SOCS7: variants seen among roughly 807,000 people sequenced by gnomAD.
The protein encoded by SOCS7 is suppressor of cytokine signaling 7, also known as NAP-4.
SOCS7 carries 18 observed loss-of-function variants against 58.9 expected under a neutral mutation model. The ratio of observed to expected loss-of-function variants is 0.31; its 90% CI spans 0.21 to 0.45. The LOEUF (loss-of-function observed/expected upper bound fraction) is 0.45, where lower values mean the gene tolerates loss of function less well. Among genes scored for constraint, SOCS7 ranks in the 20% least tolerant of loss-of-function variants. SOCS7 has a pLI of 1.00. For synonymous variants in SOCS7, 388 were observed against 364.3 expected (o/e 1.06, Z -0.74); for missense variants, 667 against 837.3 (o/e 0.80, Z 2.51).
chr17:38,382,460 AATC>A (rs1269865835), intron 7 of SOCS7, among the ~76,000 whole-genome samples: 1 of 150,700 alleles, frequency 6.6e-6, no homozygotes, highest in African/African-American at 2.5e-5. Flanking sequence ...AAAAAAAAAA[AATC>A]ATGCTTTGAA....
intron 6 of SOCS7, among the ~76,000 whole-genome samples, chr17:38,374,047 C>G (rs1455534175): frequency 6.6e-6 from 1 of 150,684 alleles, no homozygotes; most frequent in Non-Finnish European, 1.5e-5. Context: ...ATGGCGAAAC[C>G]CTGTCTCTAC....
intron 7 of SOCS7, among the ~76,000 whole-genome samples, chr17:38,387,546 A>G (rs1184024306): frequency 2.1e-5 from 3 of 141,218 alleles, no homozygotes; most frequent in Non-Finnish European, 3.0e-5. Context: ...AATATATAGT[A>G]TATATATACA....
intron 7 of SOCS7, among the ~76,000 whole-genome samples, chr17:38,392,525 A>G (rs2038185099): frequency 6.6e-6 from 1 of 152,256 alleles, no homozygotes; most frequent in Non-Finnish European, 1.5e-5. Context: ...TCAAAGAGGC[A>G]TTTGAACCCA....
intron 7 of SOCS7, among the ~76,000 whole-genome samples, chr17:38,389,906 TAGAGAGAG>T (rs772399580): frequency 7.7e-5 from 8 of 103,470 alleles, no homozygotes; most frequent in Non-Finnish European, 1.1e-4. Context: ...TATACACATA[TAGAGAGAG>T]AGAGAGAGAG....
At chr17:38,369,895 T>C (rs1290308624) in intron 6 of SOCS7, among the ~76,000 whole-genome samples, 8 of 151,956 alleles carry the variant, frequency 5.3e-5, no homozygotes, top group Non-Finnish European at 1.2e-4. Context: ...GTTCAAGCAA[T>C]TCTCCTGCCT....
rs532564657 is a variant in SOCS7, at chr17:38,372,359, G to T, written c.1552+4309G>T. The stretch of plus-strand genomic sequence containing the variant: ...TACATGGCACCATTCACTGTTGAGA[G>T]AAATGTAGACAAATATAAAGGTGCA... On this transcript the variant is annotated intron_variant, in intron 6 of 9. Coordinates refer to ENST00000612932, the MANE Select transcript of SOCS7 (RefSeq NM_014598.4). Among the ~76,000 whole-genome samples the T allele has an allele frequency of 9.2e-5, 14 of 152,272 alleles. 1 individual carries two copies. In the South Asian group the frequency reaches 2.9e-3, roughly 32 times the overall value.
In SOCS7 at chr17:38,389,863, G is replaced by GTATATATATATATATATATATATATA. The variant is rs1261982144; in HGVS notation, c.1682-5445_1682-5444insATATATATATATATATATATATATAT. On this transcript the variant is annotated intron_variant, in intron 7 of 9. Coordinates refer to ENST00000612932, the MANE Select transcript of SOCS7 (RefSeq NM_014598.4). Reference sequence around the variant, plus strand: ...TAATTTTTTTGTTTGGTGTGTATGTGTGTACATATATATATATATGTACAT... The same window carrying GTATATATATATATATATATATATATA: ...TAATTTTTTTGTTTGGTGTGTATGTGTATATATATATATATATATATATATATGTACATATATATATATATGTACAT... 1.8e-3 allele frequency among the ~76,000 whole-genome samples: 41 copies of GTATATATATATATATATATATATATA among 22,330 alleles called. 3 individuals are homozygous for GTATATATATATATATATATATATATA. Among genetic ancestry groups the GTATATATATATATATATATATATATA allele is most frequent in the African/African-American group, 6.4e-3 (40 of 6,268 alleles). 14.6% of individuals were successfully genotyped at this position (22,330 alleles called of 152,430 possible). A position where few individuals can be genotyped will look rare whatever the true frequency, so the allele number is the denominator to read the frequency against.
Position 38,352,698 on chromosome 17 carries a change from C to G in SOCS7, c.646C>G (p.Leu216Val). 1.9e-6 allele frequency: 3 copies of G among 1,549,920 alleles called. No individual in the cohort carries two copies. Among genetic ancestry groups the G allele is most frequent in the Non-Finnish European group, 2.6e-6 (3 of 1,146,842 alleles). ...RGGGGGGRLL[L>V]QPPGPELPPV... ...AGGAGGAGGGGGCGGCCGGCTTCTG[C>G]TGCAGCCCCCAGGCCCTGAATTACC... Residue 216 changes from leucine to valine, a missense_variant, in exon 1 of 10, where the codon CTG (leucine) becomes GTG (valine). Leu to Val is a conservative substitution (Grantham distance 32). Coordinates refer to ENST00000612932, the MANE Select transcript of SOCS7 (RefSeq NM_014598.4). This position sits in a 1 kb window ranked among gnomAD's most constrained non-coding sequence, Gnocchi z 5.5.
chr17:38,376,562 T>C (rs2037933411), intron 6 of SOCS7, among the ~76,000 whole-genome samples: 1 of 152,070 alleles, frequency 6.6e-6, no homozygotes, highest in Admixed American at 6.6e-5. Flanking sequence ...TGAAACCCTG[T>C]CTCTACTAAA....
intron 6 of SOCS7, among the ~76,000 whole-genome samples, chr17:38,373,343 C>G (rs978068892): frequency 2.0e-5 from 3 of 152,058 alleles, no homozygotes; most frequent in Non-Finnish European, 2.9e-5. Context: ...TCCCAGACAC[C>G]ATGGGGAAAA....
chr17:38,388,297 G>A (rs1388116187), intron 7 of SOCS7, among the ~76,000 whole-genome samples: 4 of 151,678 alleles, frequency 2.6e-5, no homozygotes, highest in Non-Finnish European at 4.4e-5. Context: ...GATTACTTGA[G>A]CCTAGGGGTT....
In SOCS7 at chr17:38,390,709, C is replaced by CTT. The variant is rs776122052; in HGVS notation, c.1682-4586_1682-4585dup. Among the ~76,000 whole-genome samples the CTT allele has an allele frequency of 1.7e-4, 21 of 120,010 alleles. No individual in the cohort carries two copies. The South Asian group carries it at 3.7e-3, about 21-fold the overall frequency. The allele number at this position is 120,010 out of a possible 152,430, so 78.7% of individuals were successfully genotyped here. A position where few individuals can be genotyped will look rare whatever the true frequency, so the allele number is the denominator to read the frequency against. On this transcript the variant is annotated intron_variant, in intron 7 of 9. Coordinates refer to ENST00000612932, the MANE Select transcript of SOCS7 (RefSeq NM_014598.4). Reference sequence around the variant, plus strand: ...CTTCCTTCCTTCTCTTTCTTTCTGTCTTTTTTTTTTTTTTTGTCCCACTGT... The same window carrying CTT: ...CTTCCTTCCTTCTCTTTCTTTCTGTCTTTTTTTTTTTTTTTTTGTCCCACTGT...
At position 38,402,521 on chromosome 17, in the gene SOCS7, C is replaced by T. The variant is rs192891373; in HGVS notation, c.*3039C>T. 9.0e-4 allele frequency: 137 copies of T among 152,400 alleles called. No individual in the cohort carries two copies. Among genetic ancestry groups the T allele is most frequent in the Admixed American group, 1.9e-3 (29 of 15,288 alleles). 9.4% of individuals were successfully genotyped at this position (152,400 alleles called of 1,614,324 possible). A position where few individuals can be genotyped will look rare whatever the true frequency, so the allele number is the denominator to read the frequency against. On this transcript the variant is annotated 3_prime_UTR_variant, in exon 10 of 10. Transcript: ENST00000612932. ...GGCTGAGGTGGGTGGATCATGAGGT[C>T]GGGAGTTCAAGACCAGCTTGGCCAA...
chr17:38,360,246 G>T (rs2037698534), intron 1 of SOCS7, among the ~76,000 whole-genome samples: 1 of 151,158 alleles, frequency 6.6e-6, no homozygotes, highest in Admixed American at 6.6e-5. Flanking sequence ...ACCCAGGCTG[G>T]AGTGCAGTGG....
rs41345646 is a variant in SOCS7 at position 38,364,424 on chromosome 17, G to A, written c.1046-328G>A. 5.9e-3 allele frequency among the ~76,000 whole-genome samples: 895 copies of A among 152,270 alleles called. 11 individuals are homozygous for A. The highest frequency in any genetic ancestry group is 0.021 in the African/African-American group (869 of 41,562). On this transcript the variant is annotated intron_variant, in intron 2 of 9. Coordinates refer to ENST00000612932, the MANE Select transcript of SOCS7 (RefSeq NM_014598.4). ...GATACACAATTCTGAAAAAATAAAT[G>A]GTATGGGTTCTATTGGATAAAGAAG... is the stretch of plus-strand genomic sequence containing the variant.
chr17:38,393,377 C>T (rs1275463415), intron 7 of SOCS7, among the ~76,000 whole-genome samples: 2 of 152,134 alleles, frequency 1.3e-5, no homozygotes, highest in Admixed American at 1.3e-4. Flanking sequence ...TGGCTCATGC[C>T]TATAATCCCA....
chr17:38,376,387 A>G (rs993178157), intron 6 of SOCS7, among the ~76,000 whole-genome samples: 16 of 152,176 alleles, frequency 1.1e-4, no homozygotes, highest in Non-Finnish European at 2.4e-4. Flanking sequence ...CAGATGTGCA[A>G]ACTCCACACA....
intron 2 of SOCS7, among the ~76,000 whole-genome samples, chr17:38,362,955 A>G (rs1255773714): frequency 1.3e-5 from 2 of 152,174 alleles, no homozygotes; most frequent in African/African-American, 2.4e-5. Flanking sequence ...TCTACTAAAA[A>G]TACAAAAAAT....
At chr17:38,383,885 C>T (rs1311534167) in intron 7 of SOCS7, among the ~76,000 whole-genome samples, 1 of 152,122 alleles carries the variant, frequency 6.6e-6, no homozygotes, top group Non-Finnish European at 1.5e-5. Flanking sequence ...CAAACATTTG[C>T]TGATGAGATA....
Sources: allele counts gnomAD v4.1 joint callset (sites outside exome capture counted in the v4.1 genomes callset), GRCh38; gene constraint gnomAD v4.1.1; non-coding constraint Gnocchi (gnomAD v3.1); transcripts MANE v1.5; gene names NCBI Gene and HGNC (gene_info 2026-07-23, HGNC 2026-07-21).